The following RBFOX1 variants were observed in gnomAD, a reference collection of about 807,000 sequenced individuals.
RBFOX1 encodes the protein RNA binding fox-1 homolog 1, also known as RNA binding protein fox-1 homolog 1.
A neutral mutation model predicts 57.7 loss-of-function variants in RBFOX1; 8 were observed. The ratio of observed to expected loss-of-function variants is 0.14; its 90% CI spans 0.08 to 0.25. The LOEUF is 0.25. Ranked by LOEUF, RBFOX1 falls within the 10% of genes least tolerant of loss-of-function variation. The pLI is 1.00. For missense variants in RBFOX1, 611 were observed against 548.5 expected, an observed-to-expected ratio of 1.11 and a Z score of -1.14; for synonymous variants, 326 against 222.4, an observed-to-expected ratio of 1.47 and a Z score of -4.15.
chr16:7,581,432 T>G (rs2093753590), intron 6 of RBFOX1, among the ~76,000 whole-genome samples: 1 of 152,206 alleles, frequency 6.6e-6, no homozygotes, highest in African/African-American at 2.4e-5. Context: ...GACATCTTGC[T>G]ATGCAGTCTA....
intron 3 of RBFOX1, among the ~76,000 whole-genome samples, chr16:6,852,240 A>G (rs1411920464): frequency 6.6e-6 from 1 of 152,102 alleles, no homozygotes; most frequent in Non-Finnish European, 1.5e-5. Context: ...TAGTGGCTAC[A>G]TGACTGCAGT....
At chr16:6,651,405 C>A in intron 2 of RBFOX1, among the ~76,000 whole-genome samples, 1 of 152,200 alleles carries the variant, frequency 6.6e-6, no homozygotes, top group East Asian at 1.9e-4. Context: ...CTGCTACACC[C>A]TTATCCATCC....
At chr16:6,126,058 A>T (rs1463430933) in intron 1 of RBFOX1, among the ~76,000 whole-genome samples, 1 of 152,202 alleles carries the variant, frequency 6.6e-6, no homozygotes, top group Non-Finnish European at 1.5e-5. Flanking sequence ...CAAATGAGAA[A>T]AGAATTCTGT....
chr16:5,464,265 G>A (rs1021232536), intron 1 of RBFOX1, among the ~76,000 whole-genome samples: 5 of 152,232 alleles, frequency 3.3e-5, no homozygotes, highest in Non-Finnish European at 7.3e-5. Context: ...GACTAGAACT[G>A]CACAGTCAGG....
intron 2 of RBFOX1, among the ~76,000 whole-genome samples, chr16:6,355,133 T>C (rs1259432860): frequency 3.9e-5 from 6 of 152,188 alleles, no homozygotes; most frequent in African/African-American, 1.4e-4. Context: ...TATTCTGTAT[T>C]CTTTTTTTAT....
intron 4 of RBFOX1, among the ~76,000 whole-genome samples, chr16:7,359,311 A>G (rs1206818962): frequency 6.6e-6 from 1 of 152,242 alleles, no homozygotes; most frequent in Non-Finnish European, 1.5e-5. Context: ...GCTACATAGC[A>G]TATGTAAAAT....
At chr16:7,192,506 A>C (rs192752979) in intron 4 of RBFOX1, among the ~76,000 whole-genome samples, 1 of 152,182 alleles carries the variant, frequency 6.6e-6, no homozygotes, top group Non-Finnish European at 1.5e-5. Context: ...ACTTTGAATA[A>C]ATATTGAGGT....
intron 4 of RBFOX1, among the ~76,000 whole-genome samples, chr16:7,341,666 T>G (rs550930356): frequency 1.3e-5 from 2 of 152,056 alleles, no homozygotes; most frequent in South Asian, 4.2e-4. Flanking sequence ...ACAGAGTTCC[T>G]GCTACATTTC....
At chr16:6,600,223 T>C (rs1351536306) in intron 2 of RBFOX1, among the ~76,000 whole-genome samples, 1 of 152,200 alleles carries the variant, frequency 6.6e-6, no homozygotes, top group African/African-American at 2.4e-5. Flanking sequence ...ATGGTGGTGC[T>C]GATGAACACG....
chr16:6,792,369 A>G (rs189104133), intron 3 of RBFOX1, among the ~76,000 whole-genome samples: 141 of 152,322 alleles, frequency 9.3e-4, no homozygotes, highest in African/African-American at 3.1e-3. Flanking sequence ...CTATAATTGC[A>G]TATCTTTATG....
rs571981936 is a variant in RBFOX1, at chr16:6,684,123, G to C, written c.-16+29473G>C. ...GAGAAAATAGCAGAATTTCCTGATG[G>C]TTTTCAATGGTATCAGCATGCTTTT... On this transcript the variant is annotated intron_variant, in intron 3 of 15. Transcript: ENST00000550418. Among the ~76,000 whole-genome samples the C allele has an allele frequency of 2.6e-5, 4 of 152,294 alleles. No homozygotes were observed. In the South Asian group the frequency reaches 6.2e-4, roughly 24 times the overall value.
chr16:6,356,418 A>G (rs2087331035), intron 2 of RBFOX1, among the ~76,000 whole-genome samples: 1 of 152,244 alleles, frequency 6.6e-6, no homozygotes. Context: ...AGCCTGGGCA[A>G]CAGAGCGAGA....
intron 1 of RBFOX1, among the ~76,000 whole-genome samples, chr16:6,188,308 A>AT (rs1438559786): frequency 6.6e-6 from 1 of 151,000 alleles, no homozygotes; most frequent in Admixed American, 6.7e-5. Flanking sequence ...GCTTCCTTCA[A>AT]TTTTTTCTAA....
At chr16:6,465,721 A>G (rs537734580) in intron 2 of RBFOX1, among the ~76,000 whole-genome samples, 1 of 151,618 alleles carries the variant, frequency 6.6e-6, no homozygotes, top group African/African-American at 2.4e-5. Context: ...TTGTGCTAAA[A>G]GGGAAGAATT....
rs914350015 is a variant in RBFOX1 at position 7,507,778 on chromosome 16, C to T, written c.28-10369C>T. ...CGCGGTTTCACCGTGTTAGCCAGGACGGTCTCGATGTCCTGACGTCGTGAT... is the reference window on the plus strand; with the variant it reads ...CGCGGTTTCACCGTGTTAGCCAGGATGGTCTCGATGTCCTGACGTCGTGAT... On this transcript the variant is annotated intron_variant, in intron 4 of 15. Transcript: ENST00000550418. Among the ~76,000 whole-genome samples the T allele has an allele frequency of 2.0e-5, 3 of 151,936 alleles. No homozygotes were observed. The East Asian group carries it at 5.9e-4, about 30-fold the overall frequency.
At chr16:7,613,293 G>T (rs542118506) in intron 10 of RBFOX1, among the ~76,000 whole-genome samples, 24 of 152,312 alleles carry the variant, frequency 1.6e-4, no homozygotes, top group African/African-American at 5.8e-4. Flanking sequence ...AATGCGCCAT[G>T]CCTGACTGCA....
chr16:6,104,277 G>A (rs1325744345), intron 1 of RBFOX1, among the ~76,000 whole-genome samples: 1 of 152,094 alleles, frequency 6.6e-6, no homozygotes, highest in African/African-American at 2.4e-5. Context: ...CGCTTCTTAA[G>A]TATAAGGAGA....
In RBFOX1 at chr16:5,265,968, A is replaced by G. The variant is rs1438293460; in HGVS notation, c.219+25863A>G. On this transcript the variant is annotated intron_variant, in intron 1 of 2. Transcript: ENST00000585867. ...CCGGGTCTTGAGCCCAGCAGATGCCATTTCAAGAAAAATCACTTGAAAATG... is the reference window on the plus strand; with the variant it reads ...CCGGGTCTTGAGCCCAGCAGATGCCGTTTCAAGAAAAATCACTTGAAAATG... 2.6e-5 allele frequency among the ~76,000 whole-genome samples: 4 copies of G among 152,084 alleles called. No homozygotes were observed. The East Asian group carries it at 5.8e-4, about 22-fold the overall frequency.
chr16:5,974,557 C>G lies in RBFOX1; in HGVS notation c.351+107222C>G, dbSNP rs530888936. Among the ~76,000 whole-genome samples the G allele has an allele frequency of 1.5e-4, 23 of 152,194 alleles. No individual in the cohort carries two copies. The South Asian group carries it at 3.9e-3, about 26-fold the overall frequency. ...CCCGGGAGGCGGAGGTTGCAGTGAG[C>G]TGAGATGGCACCATTGCACTTGAGC... On this transcript the variant is annotated intron_variant, in intron 4 of 19. Transcript: ENST00000641259.
Sources: gnomAD v4.1 joint callset for allele counts (sites outside exome capture counted in the v4.1 genomes callset) on GRCh38, gnomAD v4.1.1 for gene constraint, MANE v1.5 for transcripts, NCBI Gene and HGNC (gene_info 2026-07-23, HGNC 2026-07-21) for gene names.